KCNK2: variants seen among roughly 807,000 people sequenced by gnomAD.
KCNK2 encodes the protein potassium two pore domain channel subfamily K member 2.
In KCNK2, 21 loss-of-function variants were observed where a neutral mutation model predicts 40.5. The ratio of observed to expected loss-of-function variants is 0.52; its 90% CI spans 0.37 to 0.75. KCNK2 has a LOEUF of 0.75. Ranked by LOEUF, KCNK2 falls within the 30% of genes least tolerant of loss-of-function variation. The pLI is 0.00. For synonymous variants in KCNK2, 191 were observed against 202.2 expected, an observed-to-expected ratio of 0.94 and a Z score of 0.47; for missense variants, 399 against 531.6, an observed-to-expected ratio of 0.75 and a Z score of 2.45.
Position 215,086,480 on chromosome 1 carries a change from C to A in KCNK2, c.159C>A (p.Thr53=). ...VLASRVESDT[T]INVMKWKTVS... is the part of the protein sequence containing the mutation. ...CTTCCCGGGTGGAGAGTGACACGAC[C>A]ATTAATGTTATGAAATGGAAGACGG... is the stretch of plus-strand genomic sequence containing the variant. Residue 53 remains threonine (T), a synonymous_variant, in exon 2 of 7, where the codon ACC becomes ACA. Coordinates refer to ENST00000444842, the MANE Select transcript of KCNK2 (RefSeq NM_001017425.3). 6.2e-7 allele frequency: 1 copy of A among 1,614,072 alleles called. No individual in the cohort carries two copies. Among genetic ancestry groups the A allele is most frequent in the Non-Finnish European group, 8.5e-7 (1 of 1,179,994 alleles).
intron 1 of KCNK2, among the ~76,000 whole-genome samples, chr1:215,032,419 A>G (rs903971874): frequency 6.6e-6 from 1 of 152,114 alleles, no homozygotes; most frequent in Non-Finnish European, 1.5e-5. Flanking sequence ...AAACAAAAAC[A>G]AAAACAAAAA....
intron 1 of KCNK2, among the ~76,000 whole-genome samples, chr1:215,031,805 T>C (rs1657200135): frequency 6.6e-6 from 1 of 152,204 alleles, no homozygotes. Flanking sequence ...CCAGGAGTTA[T>C]TTTGTTAATT....
At chr1:215,131,208 G>A (rs1396878539) in intron 3 of KCNK2, among the ~76,000 whole-genome samples, 1 of 151,258 alleles carries the variant, frequency 6.6e-6, no homozygotes, top group Non-Finnish European at 1.5e-5. Context: ...GTTAAACTAT[G>A]GGAAAGGCAG....
chr1:215,013,785 C>G (rs981898607), intron 1 of KCNK2, among the ~76,000 whole-genome samples: 1 of 152,064 alleles, frequency 6.6e-6, no homozygotes, highest in Non-Finnish European at 1.5e-5. Context: ...TACAAATTTG[C>G]TAAACTCATT....
chr1:215,051,002 T>A (rs1657967210), intron 1 of KCNK2, among the ~76,000 whole-genome samples: 1 of 152,224 alleles, frequency 6.6e-6, no homozygotes, highest in South Asian at 2.1e-4. Context: ...AGTGTGGTTT[T>A]GATCTTGATT....
At chr1:215,137,498 C>T (rs1661984618) in intron 3 of KCNK2, among the ~76,000 whole-genome samples, 1 of 151,990 alleles carries the variant, frequency 6.6e-6, no homozygotes, top group Non-Finnish European at 1.5e-5. Context: ...ACTATCAGTT[C>T]CTTTACAGAA....
chr1:215,172,797 C>T (rs1185976273), intron 5 of KCNK2, among the ~76,000 whole-genome samples: 2 of 152,000 alleles, frequency 1.3e-5, no homozygotes, highest in East Asian at 1.9e-4. Flanking sequence ...GCTGGGATTA[C>T]AGGCGTGTGC....
At chr1:215,054,289 A>G (rs1252936299) in intron 1 of KCNK2, among the ~76,000 whole-genome samples, 1 of 152,220 alleles carries the variant, frequency 6.6e-6, no homozygotes, top group Admixed American at 6.5e-5. Context: ...TTCTCCACCA[A>G]GTCTGAAAGA....
chr1:215,210,850 G>A (rs1558142110), intron 6 of KCNK2, among the ~76,000 whole-genome samples: 1 of 38,686 alleles, frequency 2.6e-5, no homozygotes, highest in Non-Finnish European at 7.4e-5. Flanking sequence ...GTACTACCCC[G>A]ACTTATCTCT....
chr1:215,056,287 A>C (rs1431229140), intron 1 of KCNK2, among the ~76,000 whole-genome samples: 1 of 133,984 alleles, frequency 7.5e-6, no homozygotes, highest in Admixed American at 8.1e-5. Flanking sequence ...CAGCCTGGGC[A>C]ACAAGAGTGA....
intron 5 of KCNK2, among the ~76,000 whole-genome samples, chr1:215,183,264 C>T (rs1208636553): frequency 3.3e-5 from 5 of 152,110 alleles, no homozygotes. Flanking sequence ...TTTGCCCTTT[C>T]TACTTAGGCT....
chr1:215,110,587 A>T (rs1340648162), intron 2 of KCNK2, among the ~76,000 whole-genome samples: 2 of 152,104 alleles, frequency 1.3e-5, no homozygotes, highest in African/African-American at 4.8e-5. Flanking sequence ...TGTGTTTATG[A>T]CAGCATCACA....
intron 3 of KCNK2, among the ~76,000 whole-genome samples, chr1:215,125,165 CA>C (rs1314262182): frequency 1.2e-4 from 18 of 152,044 alleles, no homozygotes; most frequent in Non-Finnish European, 2.4e-4. Context: ...TTTAACTCTA[CA>C]TTTTAACAGA....
chr1:215,143,054 T>C (rs963319511), intron 3 of KCNK2, among the ~76,000 whole-genome samples: 2 of 152,154 alleles, frequency 1.3e-5, no homozygotes, highest in African/African-American at 4.8e-5. Context: ...AATGAGAAAG[T>C]GTGTAGGAAA....
intron 4 of KCNK2, among the ~76,000 whole-genome samples, chr1:215,170,977 G>C (rs1163675456): frequency 6.6e-6 from 1 of 152,068 alleles, no homozygotes; most frequent in African/African-American, 2.4e-5. Flanking sequence ...TTGTAAACAT[G>C]AACTCATTTA....
intron 6 of KCNK2, among the ~76,000 whole-genome samples, chr1:215,205,925 G>T (rs1189263943): frequency 6.6e-6 from 1 of 152,124 alleles, no homozygotes; most frequent in Non-Finnish European, 1.5e-5. Flanking sequence ...TTCATATTTG[G>T]TAAGTTTTAT....
intron 5 of KCNK2, among the ~76,000 whole-genome samples, chr1:215,175,063 C>T (rs1306900564): frequency 6.6e-6 from 1 of 152,156 alleles, no homozygotes; most frequent in Non-Finnish European, 1.5e-5. Context: ...AAAGGAAATG[C>T]TTCCAGTTTT....
chr1:215,086,282 A>C (rs1659431544), intron 1 of KCNK2, 86 bp from the exon 2 acceptor site: 2 of 1,114,802 alleles, frequency 1.8e-6, no homozygotes, highest in African/African-American at 3.1e-5. Flanking sequence ...GAATTCAATC[A>C]ACCTTCTCTG....
intron 5 of KCNK2, among the ~76,000 whole-genome samples, chr1:215,181,287 T>C (rs1664206702): frequency 2.0e-5 from 3 of 152,160 alleles, no homozygotes; most frequent in Admixed American, 2.0e-4. Context: ...GTGTTGATTT[T>C]CAACTGTGTA....
Sources: gnomAD v4.1 joint callset for allele counts (sites outside exome capture counted in the v4.1 genomes callset) on GRCh38, gnomAD v4.1.1 for gene constraint, MANE v1.5 for transcripts, NCBI Gene and HGNC (gene_info 2026-07-23, HGNC 2026-07-21) for gene names.